VCAN: variants seen among roughly 807,000 people sequenced by gnomAD.
The protein encoded by VCAN is versican core protein.
In VCAN, 44 loss-of-function variants were observed where a neutral mutation model predicts 245.5. The ratio of observed to expected loss-of-function variants is 0.18; its 90% CI spans 0.14 to 0.23. The LOEUF (loss-of-function observed/expected upper bound fraction) is 0.23, where lower values mean the gene tolerates loss of function less well. Ranked by LOEUF, VCAN falls within the 10% of genes least tolerant of loss-of-function variation. VCAN has a pLI of 1.00. For synonymous variants in VCAN, 1,413 were observed against 1,437.0 expected (o/e 0.98, Z 0.38); for missense variants, 3,793 against 4,057.9 (o/e 0.93, Z 1.77).
At chr5:83,477,951 CTTTTTTT>C (rs55842421) in intron 1 of VCAN, among the ~76,000 whole-genome samples, 2 of 139,074 alleles carry the variant, frequency 1.4e-5, no homozygotes, top group Admixed American at 1.4e-4. Context: ...TAATTTTTTT[CTTTTTTT>C]TTTTTTTTGA....
intron 12 of VCAN, among the ~76,000 whole-genome samples, chr5:83,567,552 A>G (rs140903498): frequency 0.043 from 6,507 of 152,198 alleles, 395 homozygotes; most frequent in African/African-American, 0.13. Context: ...CACCCGCCTC[A>G]GCCTCCCAAA....
At chr5:83,578,934 A>C (rs552494338) in intron 13 of VCAN, among the ~76,000 whole-genome samples, 1 of 152,272 alleles carries the variant, frequency 6.6e-6, no homozygotes, top group South Asian at 2.1e-4. Context: ...ATTCAATTAA[A>C]TCAATTTTCC....
Position 83,541,098 on chromosome 5 carries a change from T to A in VCAN, c.8095T>A (p.Ser2699Thr), listed in dbSNP as rs576091685. ...TATSLPIPRK[S>T]ATVIPEIEGI... Reference sequence around the variant, plus strand: ...AACATCCCTGCCAATTCCTCGTAAGTCTGCCACAGTTATTCCAGAGATTGA... The same window carrying A: ...AACATCCCTGCCAATTCCTCGTAAGACTGCCACAGTTATTCCAGAGATTGA... The change falls in exon 8 of 15, where the codon TCT (serine) becomes ACT (threonine). Residue 2699 changes from serine to threonine, a missense_variant. Ser to Thr is a moderately conservative substitution (Grantham distance 58). Transcript: ENST00000265077. The A allele has an allele frequency of 1.9e-6, 3 of 1,614,086 alleles. No individual in the cohort carries two copies. The East Asian group carries it at 6.7e-5, about 36-fold the overall frequency.
At chr5:83,545,062 C>G (rs1207445916) in intron 8 of VCAN, 1 of 203,886 alleles carries the variant, frequency 4.9e-6, no homozygotes, top group Non-Finnish European at 1.0e-5. Context: ...AGTTTCTGAG[C>G]ATTAAGTGGT....
intron 7 of VCAN, among the ~76,000 whole-genome samples, chr5:83,524,641 A>C (rs1249907475): frequency 1.3e-5 from 2 of 152,026 alleles, no homozygotes; most frequent in Admixed American, 6.6e-5. Context: ...AACTAAAAGC[A>C]TTGTTTATTG....
At chr5:83,529,025 C>CACACACACACACAT (rs781395307) in intron 7 of VCAN, among the ~76,000 whole-genome samples, 5 of 150,214 alleles carry the variant, frequency 3.3e-5, no homozygotes, top group African/African-American at 7.4e-5. Flanking sequence ...CACACACACA[C>CACACACACACACAT]ATATATGTAT....
At chr5:83,479,114 G>A (rs1270925055) in intron 1 of VCAN, among the ~76,000 whole-genome samples, 2 of 152,116 alleles carry the variant, frequency 1.3e-5, no homozygotes, top group African/African-American at 4.8e-5. Flanking sequence ...TCTCTCTGCT[G>A]TACAATGATT....
rs770058352 is a variant in VCAN, at chr5:83,541,096, A to C, written c.8093A>C (p.Lys2698Thr). ...PTATSLPIPR[K>T]SATVIPEIEG... ...GCAACATCCCTGCCAATTCCTCGTA[A>C]GTCTGCCACAGTTATTCCAGAGATT... The change falls in exon 8 of 15, where the codon AAG (lysine) becomes ACG (threonine). Residue 2698 changes from lysine (K) to threonine (T), a missense_variant. Physicochemically the swap from Lys to Thr is moderately conservative, Grantham distance 78. This residue lies in a region of VCAN where 3,182 missense variants were observed against 3,250.3 expected (regional missense o/e 0.98). Coordinates refer to ENST00000265077, the MANE Select transcript of VCAN (RefSeq NM_004385.5). 2.0e-5 allele frequency: 33 copies of C among 1,614,158 alleles called. No homozygotes were observed. The South Asian group carries it at 3.2e-4, about 16-fold the overall frequency.
chr5:83,538,935 G>T lies in VCAN; in HGVS notation c.5932G>T (p.Val1978Phe). The T allele has an allele frequency of 6.2e-7, 1 of 1,614,010 alleles. No homozygotes were observed. Among genetic ancestry groups the T allele is most frequent in the South Asian group, 1.1e-5 (1 of 91,086 alleles). Residue 1978 changes from valine to phenylalanine, a missense_variant, in exon 8 of 15, where the codon GTT becomes TTT. Val to Phe is a conservative substitution (Grantham distance 50, BLOSUM62 -1). Around this residue, in one of 5 missense-constraint regions of VCAN, gnomAD observed 3,182 missense variants for 3,250.3 expected, o/e 0.98. Transcript: ENST00000265077. Reference sequence around the variant, plus strand: ...TTCACCATCTACAGTACCTACTTCAGTTCACATCAGTCACATATCTGACTC... The same window carrying T: ...TTCACCATCTACAGTACCTACTTCATTTCACATCAGTCACATATCTGACTC... ...QTSPSTVPTS[V>F]HISHISDSEG... is the part of the protein sequence containing the mutation.
rs201515722 is a variant in VCAN at position 83,490,421 on chromosome 5, G to A, written c.394G>A (p.Val132Ile). The A allele has an allele frequency of 2.1e-4, 338 of 1,614,146 alleles. 1 individual carries two copies. The highest frequency in any genetic ancestry group is 6.7e-5 in the East Asian group (3 of 44,882). Residue 132 changes from valine to isoleucine, a missense_variant, in exon 3 of 15, where the codon GTC (valine) becomes ATC (isoleucine). By Grantham distance (29) the Val-to-Ile change is conservative (BLOSUM62 3). This residue lies in a region of VCAN where 179 missense variants were observed against 169.7 expected (regional missense o/e 1.05). Coordinates refer to ENST00000265077, the MANE Select transcript of VCAN (RefSeq NM_004385.5). Reference sequence around the variant, plus strand: ...TGATGCGGGTCTTTACCGCTGTGACGTCATGTACGGGATTGAAGACACACA... The same window carrying A: ...TGATGCGGGTCTTTACCGCTGTGACATCATGTACGGGATTGAAGACACACA... The part of the protein sequence containing the change: ...ASDAGLYRCD[V>I]MYGIEDTQDT...
Position 83,581,767 on chromosome 5 carries a change from T to G in VCAN, c.*1333T>G, listed in dbSNP as rs1327801429. On this transcript the variant is annotated 3_prime_UTR_variant, in exon 15 of 15. Coordinates refer to ENST00000265077, the MANE Select transcript of VCAN (RefSeq NM_004385.5). ...TTCTCCCCATCTCTTCCCACTCTGT[T>G]TTCTCCCCATTATTTGAATAAAGTG... 1 of 152,194 alleles carries G rather than the reference T, an allele frequency of 6.6e-6. No homozygotes were observed. The highest frequency in any genetic ancestry group is 2.4e-5 in the African/African-American group (1 of 41,450). The allele number at this position is 152,194 out of a possible 1,614,324, so 9.4% of individuals were successfully genotyped here. A position where few individuals can be genotyped will look rare whatever the true frequency, so the allele number is the denominator to read the frequency against.
Position 83,540,049 on chromosome 5 carries a change from T to A in VCAN, c.7046T>A (p.Leu2349His). 6.2e-7 allele frequency: 1 copy of A among 1,614,028 alleles called. No individual in the cohort carries two copies. The change falls in exon 8 of 15, where the codon CTC becomes CAC. Residue 2349 changes from leucine (L) to histidine (H), a missense_variant. Around this residue, in one of 5 missense-constraint regions of VCAN, gnomAD observed 3,182 missense variants for 3,250.3 expected, o/e 0.98. Transcript: ENST00000265077. ...GCAGAAGGACCCACGGTGGCACCTC[T>A]CCCTTTCTCCACGGACATCGGACAT... ...TGAEGPTVAP[L>H]PFSTDIGHPQ... is the part of the protein sequence containing the mutation.
Position 83,541,317 on chromosome 5 carries a change from G to A in VCAN, c.8314G>A (p.Ala2772Thr), listed in dbSNP as rs374623465. Residue 2772 changes from alanine (A) to threonine (T), a missense_variant, in exon 8 of 15, where the codon GCA becomes ACA. By Grantham distance (58) the Ala-to-Thr change is moderately conservative (BLOSUM62 0). This residue lies in a region of VCAN where 3,182 missense variants were observed against 3,250.3 expected (regional missense o/e 0.98). Transcript: ENST00000265077. ...AGAATTCTCTTCAGGAGCTGAGGAG[G>A]CATTAGTAGACCATACTCCCTATCT... ...QPEFSSGAEE[A>T]LVDHTPYLSI... is the part of the protein sequence containing the mutation. 2.5e-5 allele frequency: 41 copies of A among 1,613,888 alleles called. No homozygotes were observed. Among genetic ancestry groups the A allele is most frequent in the Non-Finnish European group, 3.4e-5 (40 of 1,179,980 alleles).
chr5:83,531,202 A>G (rs186997499), intron 7 of VCAN: 1 of 152,210 alleles, frequency 6.6e-6, no homozygotes, highest in African/African-American at 2.4e-5. Flanking sequence ...GTATTTCAGT[A>G]TCTATGTCTA....
At position 83,513,921 on chromosome 5, in the gene VCAN, A is replaced by T. The variant is rs193131026; in HGVS notation, c.1042+1525A>T. On this transcript the variant is annotated intron_variant, in intron 6 of 14. Transcript: ENST00000265077. ...TTATCCAGCCTGACTTCCTTATTTGATATTTTCTTGTGCTTTATTAATAAA... is the reference window on the plus strand; with the variant it reads ...TTATCCAGCCTGACTTCCTTATTTGTTATTTTCTTGTGCTTTATTAATAAA... 5.3e-5 allele frequency among the ~76,000 whole-genome samples: 8 copies of T among 152,244 alleles called. No individual in the cohort carries two copies. The East Asian group carries it at 1.4e-3, about 26-fold the overall frequency.
At chr5:83,525,162 C>A (rs565972758) in intron 7 of VCAN, among the ~76,000 whole-genome samples, 1 of 150,666 alleles carries the variant, frequency 6.6e-6, no homozygotes, top group Admixed American at 6.6e-5. Flanking sequence ...TAGAGGGCAA[C>A]TGTAGTTAGC....
intron 6 of VCAN, chr5:83,512,777 T>A: frequency 6.0e-6 from 1 of 167,316 alleles, no homozygotes; most frequent in Non-Finnish European, 1.3e-5. Context: ...ATTGTTGATT[T>A]TGTCTTCGGT....
chr5:83,561,608 A>T (rs1747869263), intron 12 of VCAN, among the ~76,000 whole-genome samples: 1 of 152,160 alleles, frequency 6.6e-6, no homozygotes, highest in Admixed American at 6.6e-5. Context: ...TGTGGATTTG[A>T]CTTTAAATCC....
Position 83,483,531 on chromosome 5 carries a change from A to C in VCAN, c.13A>C (p.Ile5Leu). The C allele has an allele frequency of 6.2e-7, 1 of 1,613,412 alleles. No individual in the cohort carries two copies. Among genetic ancestry groups the C allele is most frequent in the African/African-American group, 1.3e-5 (1 of 75,026 alleles). Residue 5 changes from isoleucine to leucine, a missense_variant, in exon 2 of 15, where the codon ATA becomes CTA. Ile to Leu is a conservative substitution (Grantham distance 5). Coordinates refer to ENST00000265077, the MANE Select transcript of VCAN (RefSeq NM_004385.5). Reference sequence around the variant, plus strand: ...TTTCTAGGCCAAGATGTTCATAAATATAAAGAGCATCTTATGGATGTGTTC... The same window carrying C: ...TTTCTAGGCCAAGATGTTCATAAATCTAAAGAGCATCTTATGGATGTGTTC... Reference protein sequence around the residue: MFINIKSILWMCSTL... With the variant: MFINLKSILWMCSTL...
Sources: gnomAD v4.1 joint callset for allele counts (sites outside exome capture counted in the v4.1 genomes callset) on GRCh38, gnomAD v4.1.1 for gene constraint, gnomAD v4.1.1 regional missense constraint, MANE v1.5 for transcripts, NCBI Gene and HGNC (gene_info 2026-07-23, HGNC 2026-07-21) for gene names.